DDX46: variants seen among roughly 807,000 people sequenced by gnomAD.
DDX46 encodes probable ATP-dependent RNA helicase DDX46.
In DDX46, 30 loss-of-function variants were observed where a neutral mutation model predicts 134.9. The observed-to-expected ratio is 0.22, with a 90% CI of 0.17 to 0.30. The LOEUF (loss-of-function observed/expected upper bound fraction) is 0.30, where lower values mean the gene tolerates loss of function less well. Among genes scored for constraint, DDX46 ranks in the 10% least tolerant of loss-of-function variants. The pLI is 1.00. For synonymous variants in DDX46, 415 were observed against 404.1 expected (o/e 1.03, Z -0.32); for missense variants, 622 against 1,248.7 (o/e 0.50, Z 7.56).
intron 17 of DDX46, 82 bp from the exon 18 acceptor site, chr5:134,811,614 C>A: frequency 6.9e-7 from 1 of 1,442,706 alleles, no homozygotes; most frequent in Non-Finnish European, 9.3e-7. Context: ...CATACACCAC[C>A]TTGAAAAATA....
intron 3 of DDX46, among the ~76,000 whole-genome samples, chr5:134,770,568 T>C (rs1753730655): frequency 6.6e-6 from 1 of 152,076 alleles, no homozygotes; most frequent in African/African-American, 2.4e-5. Context: ...TCCCAGCACA[T>C]TGAGAGGCTG....
At chr5:134,800,622 G>C (rs1253595570) in intron 15 of DDX46, among the ~76,000 whole-genome samples, 1 of 151,956 alleles carries the variant, frequency 6.6e-6, no homozygotes, top group Non-Finnish European at 1.5e-5. Context: ...TAATTATAAA[G>C]GTACCTTTCC....
chr5:134,822,476 G>T (rs146292697), intron 21 of DDX46, among the ~76,000 whole-genome samples: 287 of 152,068 alleles, frequency 1.9e-3, no homozygotes, highest in Non-Finnish European at 3.0e-3. Context: ...AGGACCACAG[G>T]CCTGTGCCAC....
chr5:134,767,085 T>G (rs1326703864), intron 3 of DDX46, 25 bp downstream of exon 3: 1 of 1,595,734 alleles, frequency 6.3e-7, no homozygotes, highest in African/African-American at 1.4e-5. Flanking sequence ...GGGCTGCATC[T>G]ATAGTGCAGA....
At chr5:134,781,827 A>C (rs1754163837) in intron 7 of DDX46, 94 bp from the exon 8 acceptor site, 1 of 1,216,060 alleles carries the variant, frequency 8.2e-7, no homozygotes, top group Non-Finnish European at 1.2e-6. Flanking sequence ...AGTAGTTTCT[A>C]GGAGAGGAAG....
At chr5:134,759,109 C>G (rs948421070) in intron 1 of DDX46, among the ~76,000 whole-genome samples, 154 bp downstream of exon 1, 6 of 152,188 alleles carry the variant, frequency 3.9e-5, no homozygotes, top group Non-Finnish European at 7.3e-5. Context: ...GGGACCTCGG[C>G]TGAGGGAATG....
At chr5:134,767,180 A>G in intron 3 of DDX46, 120 bp downstream of exon 3, 1 of 1,242,770 alleles carries the variant, frequency 8.0e-7, no homozygotes. Flanking sequence ...TTTGGCTCCT[A>G]CCATGAACTG....
At chr5:134,763,686 A>G (rs1181123144) in intron 1 of DDX46, among the ~76,000 whole-genome samples, 3 of 152,078 alleles carry the variant, frequency 2.0e-5, no homozygotes, top group Non-Finnish European at 1.5e-5. Context: ...TGTTTTGTTC[A>G]CTGTCCTTGC....
At chr5:134,827,119 A>G in intron 22 of DDX46, 99 bp downstream of exon 22, 1 of 1,236,720 alleles carries the variant, frequency 8.1e-7, no homozygotes. Flanking sequence ...ATATAGTTTG[A>G]TGAATTTTCA....
At chr5:134,808,310 A>G (rs1015043932) in intron 16 of DDX46, among the ~76,000 whole-genome samples, 3 of 152,222 alleles carry the variant, frequency 2.0e-5, no homozygotes, top group Non-Finnish European at 4.4e-5. Flanking sequence ...TAAACATCAT[A>G]GTAGCCTAGC....
rs370866571 is a variant in DDX46 at position 134,804,395 on chromosome 5, C to T, written c.1955-3353C>T. 6.5e-4 allele frequency among the ~76,000 whole-genome samples: 99 copies of T among 152,178 alleles called. 1 individual carries two copies. In the Middle Eastern group the frequency reaches 0.02, roughly 31 times the overall value. Reference sequence around the variant, plus strand: ...GACACTCCAATTATCTTCCATTAAGCGAGACCTGAAAAAGATTGGCAAAAA... The same window carrying T: ...GACACTCCAATTATCTTCCATTAAGTGAGACCTGAAAAAGATTGGCAAAAA... On this transcript the variant is annotated intron_variant, in intron 15 of 22. Coordinates refer to ENST00000452510, the MANE Select transcript of DDX46 (RefSeq NM_001300860.2).
intron 21 of DDX46, 176 bp from the exon 22 acceptor site, chr5:134,826,771 T>C: frequency 1.9e-6 from 1 of 531,760 alleles, no homozygotes; most frequent in Non-Finnish European, 3.3e-6. Flanking sequence ...ATCAAAATAA[T>C]AAGCAGCCAT....
rs369701553 is a variant in DDX46, at chr5:134,777,635, A to G, written c.675A>G (p.Leu225=). Residue 225 remains leucine, a synonymous_variant, in exon 6 of 23, where the codon TTA becomes TTG. Transcript: ENST00000452510. The part of the protein sequence containing the change: ...KEGNEMEGEE[L]DPLDAYMEEV... ...GAAATGAAATGGAGGGTGAGGAGTT[A>G]GATCCATTAGATGCTTACATGGAAG... 2.4e-5 allele frequency: 38 copies of G among 1,613,832 alleles called. No homozygotes were observed. The African/African-American group carries it at 3.6e-4, about 15-fold the overall frequency.
At chr5:134,794,618 T>C (rs1754597222) in intron 13 of DDX46, among the ~76,000 whole-genome samples, 1 of 152,170 alleles carries the variant, frequency 6.6e-6, no homozygotes, top group South Asian at 2.1e-4. Context: ...GATAGACCAC[T>C]ATATTTGTTG....
intron 18 of DDX46, among the ~76,000 whole-genome samples, chr5:134,815,703 T>A (rs1328496755): frequency 1.4e-5 from 1 of 72,922 alleles, no homozygotes; most frequent in Admixed American, 2.1e-4. Flanking sequence ...CGAGACTCTG[T>A]CTCAAAAAAA....
chr5:134,767,851 G>C (rs1157929264), intron 3 of DDX46, among the ~76,000 whole-genome samples: 1 of 151,554 alleles, frequency 6.6e-6, no homozygotes, highest in East Asian at 2.0e-4. Flanking sequence ...TCTGGAGGCT[G>C]AGGCCGGAGA....
intron 11 of DDX46, 45 bp downstream of exon 11, chr5:134,785,631 T>C (rs772177561): frequency 1.3e-6 from 2 of 1,566,582 alleles, no homozygotes; most frequent in East Asian, 4.6e-5. Flanking sequence ...TTTTCTCAAG[T>C]TGGATGATTC....
At chr5:134,794,776 A>C in intron 13 of DDX46, 74 bp from the exon 14 acceptor site, 1 of 1,545,924 alleles carries the variant, frequency 6.5e-7, no homozygotes, top group Non-Finnish European at 8.7e-7. Context: ...AGTTCCTTTT[A>C]CTTGGTTTTA....
chr5:134,798,405 G>A (rs1229001179), intron 15 of DDX46, among the ~76,000 whole-genome samples: 1 of 152,120 alleles, frequency 6.6e-6, no homozygotes, highest in Non-Finnish European at 1.5e-5. Flanking sequence ...GTTACGCCAT[G>A]TTGGCCAGGC....
Sources: allele counts gnomAD v4.1 joint callset (sites outside exome capture counted in the v4.1 genomes callset), GRCh38; gene constraint gnomAD v4.1.1; transcripts MANE v1.5; gene names NCBI Gene and HGNC (gene_info 2026-07-23, HGNC 2026-07-21).